PAQR3: variants seen among roughly 807,000 people sequenced by gnomAD.
PAQR3 encodes Raf kinase trapping to Golgi.
Under a neutral mutation model 41.7 loss-of-function variants are expected in PAQR3, and 39 were observed. That is an observed-to-expected ratio of 0.93 (90% CI 0.72 to 1.22). The LOEUF is 1.22. PAQR3 is among the 50% of genes most tolerant of loss of function. PAQR3 has a pLI of 0.00. For synonymous variants in PAQR3, 140 were observed against 140.6 expected, an observed-to-expected ratio of 1.00 and a Z score of 0.03; for missense variants, 366 against 385.6, an observed-to-expected ratio of 0.95 and a Z score of 0.42.
rs776313637 is a variant in PAQR3 at position 78,926,591 on chromosome 4, G to A, written c.632C>T (p.Ser211Leu). The A allele has an allele frequency of 8.7e-6, 14 of 1,613,888 alleles. No individual in the cohort carries two copies. Among genetic ancestry groups the A allele is most frequent in the Middle Eastern group, 1.7e-4 (1 of 6,060 alleles). ...AAGAGTAGGAATCACTCCATATCCC[G>A]AAACAGAACAAAAGATGATAGAACG... ...RLRSIIFCSV[S>L]GYGVIPTLHW... Residue 211 changes from serine (S) to leucine (L), a missense_variant, in exon 4 of 6, where the codon TCG becomes TTG. Transcript: ENST00000512733.
In PAQR3 at chr4:78,923,966, T is replaced by C; in HGVS notation, c.703-19A>G. On this transcript the variant is annotated intron_variant, in intron 4 of 5. Transcript: ENST00000512733. ...CAAAGTCCTGAAAAGCAGAACATGT[T>C]TTTTTACAGATCTTCCTACTGTTAC... 6.5e-7 allele frequency: 1 copy of C among 1,544,966 alleles called. No homozygotes were observed.
At chr4:78,921,059 T>C (rs940540926) in intron 5 of PAQR3, among the ~76,000 whole-genome samples, 1 of 151,942 alleles carries the variant, frequency 6.6e-6, no homozygotes, top group Admixed American at 6.6e-5. Flanking sequence ...GATTTAGGTA[T>C]AAATCCGCGA....
At chr4:78,905,775 A>G (rs1326154832) in intron 11 of PAQR3, among the ~76,000 whole-genome samples, 2 of 152,042 alleles carry the variant, frequency 1.3e-5, no homozygotes, top group Middle Eastern at 3.2e-3. Flanking sequence ...AACTAGTGGG[A>G]ATCTGGCCCC....
downstream of PAQR3, among the ~76,000 whole-genome samples, chr4:78,907,387 A>G (rs1187397160): frequency 6.6e-6 from 1 of 152,204 alleles, no homozygotes; most frequent in Non-Finnish European, 1.5e-5. Context: ...TAGGGAGTAC[A>G]ATGTAATAAT....
chr4:78,920,792 T>A (rs1463557864), intron 5 of PAQR3, 111 bp from the exon 6 acceptor site: 7 of 1,199,368 alleles, frequency 5.8e-6, no homozygotes, highest in Non-Finnish European at 7.9e-6. Flanking sequence ...AGTCTCAGAG[T>A]GCCTAGAGAC....
At position 78,922,849 on chromosome 4, in the gene PAQR3, G is replaced by C. The variant is rs1578012739; in HGVS notation, c.793+1008C>G. 5 of 449,078 alleles carry C rather than the reference G, an allele frequency of 1.1e-5. No homozygotes were observed. The East Asian group carries it at 3.5e-4, about 31-fold the overall frequency. 27.8% of individuals were successfully genotyped at this position (449,078 alleles called of 1,614,324 possible). A position where few individuals can be genotyped will look rare whatever the true frequency, so the allele number is the denominator to read the frequency against. ...CTTACTTAGCCCACGTAACTAGAAA[G>C]TGGTTGATGTGGGTCTTGAACCCAA... On this transcript the variant is annotated intron_variant, in intron 5 of 5. Transcript: ENST00000512733.
chr4:78,918,061 A>G lies in PAQR3; in HGVS notation c.*2478T>C, dbSNP rs1735262804. On this transcript the variant is annotated 3_prime_UTR_variant, in exon 6 of 6. Transcript: ENST00000512733. ...TTGCTATTTGAAAATGGCTTAATAT[A>G]GAAAGATAATTGTTTCTTAAATGAG... 1.0e-6 allele frequency: 1 copy of G among 979,204 alleles called. No homozygotes were observed. The highest frequency in any genetic ancestry group is 1.8e-5 in the African/African-American group (1 of 57,032). The allele number at this position is 979,204 out of a possible 1,614,324, so 60.7% of individuals were successfully genotyped here.
chr4:78,920,630 A>G lies in PAQR3; in HGVS notation c.845T>C (p.Val282Ala). 2.5e-6 allele frequency: 4 copies of G among 1,611,576 alleles called. No individual in the cohort carries two copies. The highest frequency in any genetic ancestry group is 3.4e-6 in the Non-Finnish European group (4 of 1,178,440). The change falls in exon 6 of 6, where the codon GTA (valine) becomes GCA (alanine). Residue 282 changes from valine (V) to alanine (A), a missense_variant. Coordinates refer to ENST00000512733, the MANE Select transcript of PAQR3 (RefSeq NM_001040202.2). The stretch of plus-strand genomic sequence containing the variant: ...CTGATGCCACCAATATAACATCACT[A>G]CTGCAAGGATATGCCATATTTGGTG... ...SSHQIWHILA[V>A]VMLYWWHQST... is the part of the protein sequence containing the mutation.
chr4:78,904,967 T>A (rs1734212780), intron 11 of PAQR3, among the ~76,000 whole-genome samples: 1 of 151,910 alleles, frequency 6.6e-6, no homozygotes, highest in Non-Finnish European at 1.5e-5. Context: ...TCTTAGTAAC[T>A]CTGTACCAAA....
At position 78,899,090 on chromosome 4, in the gene PAQR3, G is replaced by C. The variant is rs528939105; in HGVS notation, c.*836+7018C>G. 4 of 152,370 alleles carry C rather than the reference G, an allele frequency of 2.6e-5. No homozygotes were observed. In the East Asian group the frequency reaches 7.7e-4, roughly 29 times the overall value. The allele number at this position is 152,370 out of a possible 1,614,324, so 9.4% of individuals were successfully genotyped here. On this transcript the variant is annotated intron_variant and NMD_transcript_variant, in intron 11 of 12. Coordinates refer to the PAQR3 transcript ENST00000342820. ...GTCAAAACTCCGGTGCTGATCAGTA[G>C]TGGGATCATGCCTATGAATAGCCAC...
At chr4:78,898,271 G>C (rs888811777) in intron 11 of PAQR3, among the ~76,000 whole-genome samples, 1 of 152,056 alleles carries the variant, frequency 6.6e-6, no homozygotes, top group Non-Finnish European at 1.5e-5. Context: ...GTTTAGGATT[G>C]GGAAACATTA....
chr4:78,924,933 C>T (rs947656584), intron 4 of PAQR3, among the ~76,000 whole-genome samples: 2 of 152,054 alleles, frequency 1.3e-5, no homozygotes, highest in Non-Finnish European at 2.9e-5. Context: ...TTAGATTAAT[C>T]AAACTCAGAT....
At chr4:78,932,640 A>G (rs992875755) in intron 2 of PAQR3, among the ~76,000 whole-genome samples, 22 of 152,208 alleles carry the variant, frequency 1.4e-4, no homozygotes, top group Admixed American at 1.3e-3. Flanking sequence ...CTGTTTGCCT[A>G]AATTTCTACA....
downstream of PAQR3, among the ~76,000 whole-genome samples, chr4:78,909,374 T>C (rs1329557533): frequency 7.2e-6 from 1 of 139,130 alleles, no homozygotes; most frequent in African/African-American, 2.7e-5. Context: ...TTTTTTTTTA[T>C]GTAAACCTAA....
chr4:78,925,982 G>T (rs1274007526), intron 4 of PAQR3, among the ~76,000 whole-genome samples: 1 of 151,800 alleles, frequency 6.6e-6, no homozygotes, highest in Non-Finnish European at 1.5e-5. Context: ...TGCTTCCCTG[G>T]CTCCAGCTAC....
intron 1 of PAQR3, among the ~76,000 whole-genome samples, chr4:78,937,405 G>A (rs566184511): frequency 6.8e-4 from 104 of 152,262 alleles, no homozygotes; most frequent in Middle Eastern, 3.4e-3. Flanking sequence ...CTCTTCTTCC[G>A]TCTTTCGAAC....
intron 11 of PAQR3, among the ~76,000 whole-genome samples, chr4:78,898,479 T>C (rs545033795): frequency 9.6e-4 from 146 of 151,516 alleles, no homozygotes; most frequent in Admixed American, 1.7e-3. Flanking sequence ...TATCATGATA[T>C]GGAGACAGTG....
downstream of PAQR3, among the ~76,000 whole-genome samples, chr4:78,909,085 A>T (rs1291901126): frequency 2.5e-5 from 3 of 120,348 alleles, no homozygotes; most frequent in Non-Finnish European, 3.3e-5. Context: ...TTTTTGAGAC[A>T]GTTCGCTCTT....
At chr4:78,909,977 G>A (rs1223984714), downstream of PAQR3, among the ~76,000 whole-genome samples, 1 of 152,250 alleles carries the variant, frequency 6.6e-6, no homozygotes, top group Non-Finnish European at 1.5e-5. Context: ...CTTTTTTAAT[G>A]TAATGTATAG....
Sources: allele counts gnomAD v4.1 joint callset (sites outside exome capture counted in the v4.1 genomes callset), GRCh38; gene constraint gnomAD v4.1.1; transcripts MANE v1.5; gene names NCBI Gene and HGNC (gene_info 2026-07-23, HGNC 2026-07-21).